Variants in DHRS7C observed in about 807,000 individuals in gnomAD.
DHRS7C encodes the protein dehydrogenase/reductase 7C, also known as dehydrogenase/reductase SDR family member 7C.
In DHRS7C, 28 loss-of-function variants were observed where a neutral mutation model predicts 29.6. The ratio of observed to expected loss-of-function variants is 0.95; its 90% CI spans 0.70 to 1.30. The LOEUF (loss-of-function observed/expected upper bound fraction) is 1.30, where lower values mean the gene tolerates loss of function less well. Ranked by LOEUF, DHRS7C falls within the 50% of genes most tolerant of loss-of-function variation. The pLI, the probability that DHRS7C is intolerant of heterozygous loss-of-function variation, is 0.00. For missense variants in DHRS7C, 403 were observed against 393.3 expected, an observed-to-expected ratio of 1.02 and a Z score of -0.21; for synonymous variants, 158 against 160.2, an observed-to-expected ratio of 0.99 and a Z score of 0.10.
At chr17:9,786,449 T>C (rs1299543912) in intron 1 of DHRS7C, among the ~76,000 whole-genome samples, 1 of 151,410 alleles carries the variant, frequency 6.6e-6, no homozygotes. Context: ...AAATTTGAGG[T>C]GTACTGTCTC....
chr17:9,782,306 TG>T (rs1489974605), intron 1 of DHRS7C, among the ~76,000 whole-genome samples: 1 of 152,338 alleles, frequency 6.6e-6, no homozygotes, highest in East Asian at 1.9e-4. Flanking sequence ...ATCTTTAGGT[TG>T]GGTTCCTAGG....
At chr17:9,773,221 C>CT (rs2066341933) in intron 4 of DHRS7C, among the ~76,000 whole-genome samples, 1 of 152,124 alleles carries the variant, frequency 6.6e-6, no homozygotes, top group Admixed American at 6.5e-5. Context: ...CGCTATTTCC[C>CT]TTGGCAAATT....
chr17:9,789,257 G>A (rs952448928), intron 1 of DHRS7C, among the ~76,000 whole-genome samples: 1 of 152,140 alleles, frequency 6.6e-6, no homozygotes, highest in Non-Finnish European at 1.5e-5. Flanking sequence ...ATCGAGATAG[G>A]TCATAAGACA....
chr17:9,779,903 GC>G lies in DHRS7C; in HGVS notation c.399del (p.Pro134LeufsTer24). On this transcript the variant is annotated frameshift_variant, in exon 3 of 6. Transcript: ENST00000571134. LOFTEE classifies it high-confidence loss of function. ...LINNASVKVK[G>X]PAHKISLELD... ...AGCTCCAGAGAAATCTTATGGGCAG[GC>G]CCCTTCACCTTCACACTGGCATTGT... 1.2e-6 allele frequency: 2 copies of G among 1,613,854 alleles called. No homozygotes were observed. The highest frequency in any genetic ancestry group is 1.7e-6 in the Non-Finnish European group (2 of 1,179,874).
At chr17:9,779,740 A>G in intron 3 of DHRS7C, 85 bp downstream of exon 3, 2 of 1,379,910 alleles carry the variant, frequency 1.4e-6, no homozygotes, top group Non-Finnish European at 2.0e-6. Flanking sequence ...TCCATATAGA[A>G]TAGGATGACT....
At chr17:9,777,672 A>G (rs1408832083) in intron 3 of DHRS7C, among the ~76,000 whole-genome samples, 1 of 152,138 alleles carries the variant, frequency 6.6e-6, no homozygotes, top group East Asian at 1.9e-4. Context: ...CCAGTAGAAC[A>G]GAACAGACGC....
rs2066350295 is a variant in DHRS7C at position 9,774,474 on chromosome 17, G to A, written c.572-1552C>T. On this transcript the variant is annotated intron_variant, in intron 4 of 5. Coordinates refer to ENST00000571134, the MANE Select transcript of DHRS7C (RefSeq NM_001105571.3). The surrounding 1 kb of genome is among the most constrained non-coding windows in gnomAD (Gnocchi z 5.0). ...TAATTTTTGTATTTTTAGTAGAGAT[G>A]GGTTTCACCATGTTGGCCAGGCTGG... is the stretch of plus-strand genomic sequence containing the variant. Among the ~76,000 whole-genome samples, 1 of 151,852 alleles carries A rather than the reference G, an allele frequency of 6.6e-6. No homozygotes were observed. The highest frequency in any genetic ancestry group is 1.5e-5 in the Non-Finnish European group (1 of 67,958).
chr17:9,778,932 T>C (rs1480171834), intron 3 of DHRS7C, among the ~76,000 whole-genome samples: 3 of 152,154 alleles, frequency 2.0e-5, no homozygotes, highest in Non-Finnish European at 4.4e-5. Context: ...TTCTTTTTTT[T>C]AGACAGTCTC....
intron 5 of DHRS7C, among the ~76,000 whole-genome samples, chr17:9,772,475 TG>T (rs1478898225): frequency 6.6e-6 from 1 of 152,074 alleles, no homozygotes; most frequent in African/African-American, 2.4e-5. Context: ...CCATGACATC[TG>T]GGAAAAAGGC....
chr17:9,781,579 A>G lies in DHRS7C; in HGVS notation c.170T>C (p.Phe57Ser), dbSNP rs561828754. Residue 57 changes from phenylalanine to serine, a missense_variant, in exon 2 of 6, where the codon TTC becomes TCC. By Grantham distance (155) the Phe-to-Ser change is radical. Coordinates refer to ENST00000571134, the MANE Select transcript of DHRS7C (RefSeq NM_001105571.3). ...SGLGKECARV[F>S]HTGGARLVLC... is the part of the protein sequence containing the mutation. Reference sequence around the variant, plus strand: ...CACCAGCCTTGCCCCACCTGTGTGGAACACCCGAGCACACTCTGTGGGGAA... The same window carrying G: ...CACCAGCCTTGCCCCACCTGTGTGGGACACCCGAGCACACTCTGTGGGGAA... 2 of 1,613,834 alleles carry G rather than the reference A, an allele frequency of 1.2e-6. No individual in the cohort carries two copies. Among genetic ancestry groups the G allele is most frequent in the South Asian group, 2.2e-5 (2 of 91,060 alleles).
intron 5 of DHRS7C, 123 bp from the exon 6 acceptor site, chr17:9,771,819 C>A: frequency 9.7e-7 from 1 of 1,029,488 alleles, no homozygotes. Flanking sequence ...TCACAGGTTC[C>A]AGGCCCCCTC....
chr17:9,784,178 A>G (rs969544398), intron 1 of DHRS7C, among the ~76,000 whole-genome samples: 1 of 152,072 alleles, frequency 6.6e-6, no homozygotes, highest in African/African-American at 2.4e-5. Context: ...ACCCTTTTAA[A>G]AAAAACCTTC....
intron 1 of DHRS7C, among the ~76,000 whole-genome samples, chr17:9,782,568 C>T (rs931072358): frequency 6.6e-6 from 1 of 152,176 alleles, no homozygotes; most frequent in Admixed American, 6.5e-5. Flanking sequence ...TCTGGGGGTG[C>T]GTGCATAGGC....
In DHRS7C at chr17:9,789,139, A is replaced by T. The variant is rs191777746; in HGVS notation, c.154+1992T>A. Among the ~76,000 whole-genome samples, 285 of 152,326 alleles carry T rather than the reference A, an allele frequency of 1.9e-3. 6 individuals are homozygous for T. Among genetic ancestry groups the T allele is most frequent in the Admixed American group, 0.017 (260 of 15,298 alleles). On this transcript the variant is annotated intron_variant, in intron 1 of 5. Coordinates refer to ENST00000571134, the MANE Select transcript of DHRS7C (RefSeq NM_001105571.3). ...TTTCTACCTAATAAGACACAAAACT[A>T]GCAAGGCTACGGAAGAACTGAGCAA...
At chr17:9,784,404 G>C (rs781520392) in intron 1 of DHRS7C, among the ~76,000 whole-genome samples, 1 of 151,976 alleles carries the variant, frequency 6.6e-6, no homozygotes, top group Non-Finnish European at 1.5e-5. Flanking sequence ...CCCAGGAGGC[G>C]GAGCTTGCAG....
rs890798267 is a variant in DHRS7C at position 9,775,924 on chromosome 17, G to A, written c.571+1269C>T. Among the ~76,000 whole-genome samples the A allele has an allele frequency of 3.3e-5, 5 of 152,180 alleles. No homozygotes were observed. Among genetic ancestry groups the A allele is most frequent in the South Asian group, 2.1e-4 (1 of 4,824 alleles). On this transcript the variant is annotated intron_variant, in intron 4 of 5. Transcript: ENST00000571134. This position sits in a 1 kb window ranked among gnomAD's most constrained non-coding sequence, Gnocchi z 4.2. ...TTGTAAGAAGAGGAAATTTGGGGCC[G>A]GGCATGGTGGCTCACGCCTGTAATC... is the stretch of plus-strand genomic sequence containing the variant.
Position 9,791,258 on chromosome 17 carries a change from G to GT in DHRS7C, c.26_27insA (p.Leu11ProfsTer69). ...CGCTGATTCCCAGCAGCAGCAGGGGGAGCATCAGCATGGCCATGACTCCCA... is the reference window on the plus strand; with the variant it reads ...CGCTGATTCCCAGCAGCAGCAGGGGGTAGCATCAGCATGGCCATGACTCCCA... On this transcript the variant is annotated frameshift_variant, in exon 1 of 6. Coordinates refer to ENST00000571134, the MANE Select transcript of DHRS7C (RefSeq NM_001105571.3). LOFTEE classifies it high-confidence loss of function. 6.2e-7 allele frequency: 1 copy of GT among 1,613,782 alleles called. No individual in the cohort carries two copies. The highest frequency in any genetic ancestry group is 8.5e-7 in the Non-Finnish European group (1 of 1,179,820).
At chr17:9,790,767 G>T (rs989829642) in intron 1 of DHRS7C, among the ~76,000 whole-genome samples, 2 of 152,218 alleles carry the variant, frequency 1.3e-5, no homozygotes, top group Admixed American at 6.5e-5. Context: ...CTGGAGCCAG[G>T]AACTGAACCC....
chr17:9,771,686 C>A lies in DHRS7C; in HGVS notation c.738G>T (p.Arg246Ser). ...CTGGGTGCACGCCGTAGGTCAGCTT[C>A]CTGAAAAAGACTGAAAGGCCCCAGT... Reference protein sequence around the residue: ...WEASIWKFFFRKLTYGVHPVE... With the variant: ...WEASIWKFFFSKLTYGVHPVE... Residue 246 changes from arginine to serine, a missense_variant, in exon 6 of 6, where the codon AGG (arginine) becomes AGT (serine). Arg to Ser is a moderately radical substitution (Grantham distance 110). Coordinates refer to ENST00000571134, the MANE Select transcript of DHRS7C (RefSeq NM_001105571.3). 6.7e-7 allele frequency: 1 copy of A among 1,496,288 alleles called. No individual in the cohort carries two copies. Among genetic ancestry groups the A allele is most frequent in the Non-Finnish European group, 9.0e-7 (1 of 1,116,686 alleles). 92.7% of individuals were successfully genotyped at this position (1,496,288 alleles called of 1,614,324 possible).
Sources: allele counts gnomAD v4.1 joint callset (sites outside exome capture counted in the v4.1 genomes callset), GRCh38; gene constraint gnomAD v4.1.1; non-coding constraint Gnocchi (gnomAD v3.1); transcripts MANE v1.5; gene names NCBI Gene and HGNC (gene_info 2026-07-23, HGNC 2026-07-21).